The following RALGPS1 variants were observed in gnomAD, a reference collection of about 807,000 sequenced individuals.
The protein encoded by RALGPS1 is Ral GEF with PH domain and SH3 binding motif 1.
RALGPS1 carries 19 observed loss-of-function variants against 78.8 expected under a neutral mutation model. The observed-to-expected ratio is 0.24, with a 90% CI of 0.17 to 0.35. RALGPS1 has a LOEUF of 0.35. Among genes scored for constraint, RALGPS1 ranks in the 10% least tolerant of loss-of-function variants. RALGPS1 has a pLI of 1.00. For synonymous variants in RALGPS1, 228 were observed against 256.3 expected, an observed-to-expected ratio of 0.89 and a Z score of 1.06; for missense variants, 454 against 688.3, an observed-to-expected ratio of 0.66 and a Z score of 3.81.
chr9:127,067,998 C>T (rs2049864526), intron 7 of RALGPS1, among the ~76,000 whole-genome samples: 1 of 152,178 alleles, frequency 6.6e-6, no homozygotes, highest in African/African-American at 2.4e-5. Flanking sequence ...GTCTTGAAAA[C>T]CAGGAGTTCT....
chr9:127,152,892 A>G (rs1352593772), intron 8 of RALGPS1, among the ~76,000 whole-genome samples: 4 of 152,294 alleles, frequency 2.6e-5, no homozygotes, highest in South Asian at 4.1e-4. Flanking sequence ...TTTCACATGC[A>G]TTACCTGCTT....
At chr9:127,115,685 A>G (rs554367504) in intron 8 of RALGPS1, among the ~76,000 whole-genome samples, 3 of 152,368 alleles carry the variant, frequency 2.0e-5, no homozygotes, top group African/African-American at 7.2e-5. Context: ...AATGGCTGAG[A>G]TGCAGCTTGC....
intron 7 of RALGPS1, 130 bp from the exon 8 acceptor site, chr9:127,069,100 A>C: frequency 5.6e-6 from 5 of 888,970 alleles, no homozygotes; most frequent in South Asian, 1.8e-5. Flanking sequence ...TAAAATCCTT[A>C]GTTCTGTCCA....
In RALGPS1 at chr9:127,212,534, G is replaced by A. The variant is rs2062330794; in HGVS notation, c.1354-93G>A. 1 of 887,034 alleles carries A rather than the reference G, an allele frequency of 1.1e-6. No homozygotes were observed. The highest frequency in any genetic ancestry group is 2.5e-5 in the Admixed American group (1 of 39,530). 54.9% of individuals were successfully genotyped at this position (887,034 alleles called of 1,614,324 possible). A position where few individuals can be genotyped will look rare whatever the true frequency, so the allele number is the denominator to read the frequency against. ...CCAGGGAAGAGATGGGGCCTGCACT[G>A]GCATTGATGGGATGGCTGGGTCTGT... is the stretch of plus-strand genomic sequence containing the variant. On this transcript the variant is annotated intron_variant, in intron 15 of 18. Transcript: ENST00000259351. The surrounding 1 kb of genome is among the most constrained non-coding windows in gnomAD (Gnocchi z 6.0).
At chr9:127,009,969 C>G (rs1468400298) in intron 4 of RALGPS1, among the ~76,000 whole-genome samples, 1 of 152,122 alleles carries the variant, frequency 6.6e-6, no homozygotes, top group Non-Finnish European at 1.5e-5. Flanking sequence ...GCCCCTGGGT[C>G]TATATTTCTT....
At chr9:127,199,122 A>G in intron 14 of RALGPS1, 56 bp downstream of exon 14, 1 of 1,533,870 alleles carries the variant, frequency 6.5e-7, no homozygotes, top group Non-Finnish European at 9.0e-7. Flanking sequence ...GGGCTGAGGG[A>G]GCCGAAGACA....
chr9:126,962,963 C>T (rs943483361), intron 2 of RALGPS1, among the ~76,000 whole-genome samples: 1 of 152,238 alleles, frequency 6.6e-6, no homozygotes, highest in Non-Finnish European at 1.5e-5. Context: ...AGGCCCTCCT[C>T]ATTATGCTAG....
chr9:127,021,121 C>T (rs896497971), intron 4 of RALGPS1, among the ~76,000 whole-genome samples: 10 of 152,138 alleles, frequency 6.6e-5, no homozygotes, highest in African/African-American at 2.2e-4. Flanking sequence ...AGGCCAGGCC[C>T]ATCTGCCTAT....
Position 127,199,135 on chromosome 9 carries a change from C to T in RALGPS1, c.1247+69C>T, listed in dbSNP as rs2061488298. 2.7e-6 allele frequency: 4 copies of T among 1,481,392 alleles called. No homozygotes were observed. In the South Asian group the frequency reaches 4.5e-5, roughly 17 times the overall value. 91.8% of individuals were successfully genotyped at this position (1,481,392 alleles called of 1,614,324 possible). ...CAGGGCTGAGGGAGCCGAAGACAGG[C>T]CCCGGGCAGGGACGGGCCCTGCCCC... is the stretch of plus-strand genomic sequence containing the variant. On this transcript the variant is annotated intron_variant, in intron 14 of 18. Coordinates refer to ENST00000259351, the MANE Select transcript of RALGPS1 (RefSeq NM_014636.3).
intron 4 of RALGPS1, among the ~76,000 whole-genome samples, chr9:127,025,867 G>GT (rs1375002142): frequency 6.6e-5 from 10 of 150,972 alleles, no homozygotes; most frequent in East Asian, 2.0e-4. Context: ...AGTGTTTTTT[G>GT]TTTTTTTTCT....
intron 8 of RALGPS1, chr9:127,089,025 C>T: frequency 6.2e-7 from 1 of 1,614,220 alleles, no homozygotes; most frequent in Non-Finnish European, 8.5e-7. Context: ...GCCCAGTAGA[C>T]TCCGTCCTGG....
chr9:127,210,683 T>C (rs1196315589), intron 14 of RALGPS1: 3 of 1,547,464 alleles, frequency 1.9e-6, no homozygotes, highest in Non-Finnish European at 2.6e-6. Flanking sequence ...ATTTAACCCT[T>C]TTCCTCTGAA....
intron 8 of RALGPS1, among the ~76,000 whole-genome samples, chr9:127,162,049 T>C (rs1448866359): frequency 6.6e-6 from 1 of 152,200 alleles, no homozygotes; most frequent in Non-Finnish European, 1.5e-5. Flanking sequence ...TGGTGGTGGC[T>C]CTCTCTTCAG....
chr9:127,182,360 TCCTTCCTTCCTC>T (rs796551648), intron 11 of RALGPS1, among the ~76,000 whole-genome samples: 2 of 43,442 alleles, frequency 4.6e-5, no homozygotes, highest in Non-Finnish European at 1.2e-4. Flanking sequence ...CTCCCTTCCT[TCCTTCCTTCCTC>T]CCTCCCTCCC....
intron 5 of RALGPS1, among the ~76,000 whole-genome samples, chr9:127,038,978 A>C (rs968940463): frequency 6.6e-6 from 1 of 152,206 alleles, no homozygotes; most frequent in Admixed American, 6.5e-5. Context: ...CAGTGAACAC[A>C]AAGGAGGAGC....
chr9:126,964,407 G>A (rs1003652378), intron 2 of RALGPS1, among the ~76,000 whole-genome samples: 1 of 149,010 alleles, frequency 6.7e-6, no homozygotes, highest in East Asian at 2.0e-4. Flanking sequence ...GAGCTCACCC[G>A]AGTCCCCTTG....
intron 1 of RALGPS1, among the ~76,000 whole-genome samples, chr9:126,924,738 C>T (rs2035101272): frequency 6.6e-6 from 1 of 152,226 alleles, no homozygotes; most frequent in African/African-American, 2.4e-5. Context: ...TAACTACTTG[C>T]CTACTAGCCC....
At chr9:127,177,640 A>T (rs754406910) in intron 11 of RALGPS1, among the ~76,000 whole-genome samples, 1 of 152,198 alleles carries the variant, frequency 6.6e-6, no homozygotes, top group Non-Finnish European at 1.5e-5. Flanking sequence ...TGCTAGGGGT[A>T]GGGAGAAGAA....
At chr9:126,937,307 A>G (rs2036355509) in intron 1 of RALGPS1, among the ~76,000 whole-genome samples, 1 of 152,238 alleles carries the variant, frequency 6.6e-6, no homozygotes, top group African/African-American at 2.4e-5. Context: ...CATTTCTCCA[A>G]TACCTAAGGC....
Sources: gnomAD v4.1 joint callset for allele counts (sites outside exome capture counted in the v4.1 genomes callset) on GRCh38, gnomAD v4.1.1 for gene constraint, Gnocchi (gnomAD v3.1) non-coding constraint, MANE v1.5 for transcripts, NCBI Gene and HGNC (gene_info 2026-07-23, HGNC 2026-07-21) for gene names.